Variants in TM7SF3 observed in about 807,000 individuals in gnomAD.
TM7SF3 encodes the protein seven span transmembrane protein.
Under a neutral mutation model 65.5 loss-of-function variants are expected in TM7SF3, and 60 were observed. The ratio of observed to expected loss-of-function variants is 0.92; its 90% CI spans 0.74 to 1.14. The LOEUF (loss-of-function observed/expected upper bound fraction) is 1.14. TM7SF3 is among the 50% of genes most tolerant of loss of function. The probability of loss-of-function intolerance (pLI) is 0.00; values close to 1 mark genes in which losing one functional copy is unlikely to be tolerated. For missense variants in TM7SF3, 623 were observed against 684.8 expected (o/e 0.91, Z 1.01); for synonymous variants, 264 against 259.6 (o/e 1.02, Z -0.16).
intron 1 of TM7SF3, among the ~76,000 whole-genome samples, chr12:27,004,001 A>G (rs1209084431): frequency 2.6e-5 from 4 of 152,212 alleles, no homozygotes; most frequent in African/African-American, 4.8e-5. Flanking sequence ...AAAATTGTGA[A>G]CCACAGGCAT....
rs1939449765 is a variant in TM7SF3 at position 26,973,683 on chromosome 12, G to A, written c.*282C>T. ...ATTTTTTTAATGTATCTATTTAATG[G>A]AATAAGTTGATCATAGATTTGTAAA... On this transcript the variant is annotated 3_prime_UTR_variant, in exon 12 of 12. Coordinates refer to ENST00000343028, the MANE Select transcript of TM7SF3 (RefSeq NM_016551.3). The A allele has an allele frequency of 3.0e-6, 1 of 332,030 alleles. No individual in the cohort carries two copies. The highest frequency in any genetic ancestry group is 5.5e-6 in the Non-Finnish European group (1 of 183,314). The allele number at this position is 332,030 out of a possible 1,614,324, so 20.6% of individuals were successfully genotyped here. A position where few individuals can be genotyped will look rare whatever the true frequency, so the allele number is the denominator to read the frequency against.
intron 2 of TM7SF3, among the ~76,000 whole-genome samples, chr12:27,002,513 T>C (rs961472976): frequency 2.0e-5 from 3 of 152,180 alleles, no homozygotes; most frequent in African/African-American, 7.2e-5. Context: ...CAGAATATTA[T>C]AATATAGGCT....
At chr12:26,997,004 A>G (rs1242803737) in intron 3 of TM7SF3, 142 bp from the exon 4 acceptor site, 2 of 985,042 alleles carry the variant, frequency 2.0e-6, no homozygotes, top group Non-Finnish European at 2.9e-6. Context: ...GTCGTATACT[A>G]TTTCATGAAC....
rs1127782 is a variant in TM7SF3, at chr12:26,973,263, T to G, written c.*702A>C. ...CAATCAAGGCTCACTGTAGCCTCAA[T>G]CTTCAGGGCTCCAGGGATCCTCCCA... On this transcript the variant is annotated 3_prime_UTR_variant, in exon 12 of 12. Transcript: ENST00000343028. The G allele has an allele frequency of 0.51, 78,008 of 151,490 alleles. 20,478 individuals are homozygous for G. Among genetic ancestry groups the G allele is most frequent in the Admixed American group, 0.59 (9,006 of 15,224 alleles). The allele number at this position is 151,490 out of a possible 1,614,324, so 9.4% of individuals were successfully genotyped here. A position where few individuals can be genotyped will look rare whatever the true frequency, so the allele number is the denominator to read the frequency against.
At chr12:26,997,364 A>G (rs1371564017) in intron 3 of TM7SF3, among the ~76,000 whole-genome samples, 1 of 152,192 alleles carries the variant, frequency 6.6e-6, no homozygotes, top group African/African-American at 2.4e-5. Flanking sequence ...ATATGTTTCA[A>G]TATCATGTTG....
At chr12:27,006,553 T>C (rs1428831060) in intron 1 of TM7SF3, among the ~76,000 whole-genome samples, 1 of 152,198 alleles carries the variant, frequency 6.6e-6, no homozygotes, top group Non-Finnish European at 1.5e-5. Flanking sequence ...AATGGTAATA[T>C]TTTTCTAGAA....
In TM7SF3 at chr12:26,996,848, C is replaced by T; in HGVS notation, c.412G>A (p.Gly138Ser). 1.2e-6 allele frequency: 2 copies of T among 1,611,376 alleles called. No individual in the cohort carries two copies. The highest frequency in any genetic ancestry group is 1.7e-6 in the Non-Finnish European group (2 of 1,179,150). The change falls in exon 4 of 12, where the codon GGC becomes AGC. Residue 138 changes from glycine to serine, a missense_variant. Physicochemically the swap from Gly to Ser is moderately conservative, Grantham distance 56 (BLOSUM62 0). Transcript: ENST00000343028. ...TCTAAATCGAACTCCAAATTACAGCCTCCAGGGACAGGATCTGGATAAGAA... is the reference window on the plus strand; with the variant it reads ...TCTAAATCGAACTCCAAATTACAGCTTCCAGGGACAGGATCTGGATAAGAA... ...SYSERDPVPG[G>S]CNLEFDLDID...
chr12:26,976,276 AT>A lies in TM7SF3; in HGVS notation c.1270del (p.Met424TrpfsTer4). On this transcript the variant is annotated frameshift_variant, in exon 10 of 12. Transcript: ENST00000343028. LOFTEE classifies it high-confidence loss of function. ...AACACTTACTATTCTTAGGCAGCCC[AT>A]GAAAACTACTGGAATGAGGATAGCT... ...CIAILIPVVF[M>X]GCLRILNILT... is the part of the protein sequence containing the mutation. 6.2e-7 allele frequency: 1 copy of A among 1,612,802 alleles called. No homozygotes were observed. The highest frequency in any genetic ancestry group is 1.1e-5 in the South Asian group (1 of 91,066).
At chr12:27,002,812 A>G (rs553731743) in intron 2 of TM7SF3, among the ~76,000 whole-genome samples, 1 of 152,368 alleles carries the variant, frequency 6.6e-6, no homozygotes, top group East Asian at 1.9e-4. Context: ...CAGAGTCCAA[A>G]GAATAAAGTT....
At chr12:26,985,563 T>C (rs1940011050) in intron 6 of TM7SF3, among the ~76,000 whole-genome samples, 1 of 137,932 alleles carries the variant, frequency 7.2e-6, no homozygotes. Context: ...AGGCAGTGGT[T>C]GCAGTGAGCT....
intron 5 of TM7SF3, among the ~76,000 whole-genome samples, chr12:26,992,548 T>C (rs547436000): frequency 2.6e-5 from 4 of 152,336 alleles, no homozygotes; most frequent in African/African-American, 9.6e-5. Flanking sequence ...CCTCCCAAAG[T>C]GCTGGGATTA....
At chr12:26,980,497 G>T in intron 8 of TM7SF3, 69 bp downstream of exon 8, 1 of 821,884 alleles carries the variant, frequency 1.2e-6, no homozygotes, top group Non-Finnish European at 2.1e-6. Flanking sequence ...AACTGTAGAA[G>T]GAAAGGTGAA....
chr12:27,003,540 G>T, intron 1 of TM7SF3, 150 bp from the exon 2 acceptor site: 1 of 739,448 alleles, frequency 1.4e-6, no homozygotes, highest in Non-Finnish European at 2.1e-6. Flanking sequence ...TAAAGACAAT[G>T]TGGCTTAAAA....
At chr12:26,976,198 G>A (rs368566873) in intron 10 of TM7SF3, 62 bp downstream of exon 10, 10 of 1,247,088 alleles carry the variant, frequency 8.0e-6, no homozygotes, top group Non-Finnish European at 2.3e-6. Flanking sequence ...GATGAAATAA[G>A]TGATCAGCTG....
At chr12:26,981,511 T>C (rs1939815995) in intron 7 of TM7SF3, among the ~76,000 whole-genome samples, 1 of 150,754 alleles carries the variant, frequency 6.6e-6, no homozygotes, top group African/African-American at 2.4e-5. Context: ...TCCATCTCTT[T>C]AAAAAGAAAA....
Position 26,979,648 on chromosome 12 carries a change from T to C in TM7SF3, c.1189+136A>G, listed in dbSNP as rs558156642. ...CTAGTCCTGGTGCTGTCTGAAAGTG[T>C]CACACCATCAATGCAGATTTCCAGA... On this transcript the variant is annotated intron_variant, in intron 9 of 11. Coordinates refer to ENST00000343028, the MANE Select transcript of TM7SF3 (RefSeq NM_016551.3). 5 of 935,516 alleles carry C rather than the reference T, an allele frequency of 5.3e-6. No homozygotes were observed. The South Asian group carries it at 8.4e-5, about 16-fold the overall frequency. 58.0% of individuals were successfully genotyped at this position (935,516 alleles called of 1,614,324 possible).
At chr12:26,976,206 C>T (rs1383487769) in intron 10 of TM7SF3, 54 bp downstream of exon 10, 1 of 1,326,318 alleles carries the variant, frequency 7.5e-7, no homozygotes, top group Non-Finnish European at 1.1e-6. Flanking sequence ...AAGTGATCAG[C>T]TGAACACACA....
chr12:26,999,497 T>C (rs1305704085), intron 3 of TM7SF3, 29 bp downstream of exon 3: 2 of 1,607,008 alleles, frequency 1.2e-6, no homozygotes, highest in South Asian at 2.2e-5. Flanking sequence ...TTCCAAAGAG[T>C]AAGAGGGAGG....
At position 27,001,812 on chromosome 12, in the gene TM7SF3, C is replaced by A. The variant is rs184890236; in HGVS notation, c.246+1424G>T. On this transcript the variant is annotated intron_variant, in intron 2 of 11. Transcript: ENST00000343028. ...AGGAAGCTGTCTTTTGAATTCAGTG[C>A]CATAAAAAACTTGGCCTCCCCTGAG... is the stretch of plus-strand genomic sequence containing the variant. 2.8e-3 allele frequency among the ~76,000 whole-genome samples: 422 copies of A among 152,230 alleles called. 5 individuals are homozygous for A. The highest frequency in any genetic ancestry group is 9.0e-3 in the African/African-American group (373 of 41,522).
Sources: gnomAD v4.1 joint callset for allele counts (sites outside exome capture counted in the v4.1 genomes callset) on GRCh38, gnomAD v4.1.1 for gene constraint, MANE v1.5 for transcripts, NCBI Gene and HGNC (gene_info 2026-07-23, HGNC 2026-07-21) for gene names.